CPAMD8: variants seen among roughly 807,000 people sequenced by gnomAD.
The protein encoded by CPAMD8 is C3 and PZP like alpha-2-macroglobulin domain containing 8.
CPAMD8 carries 146 observed loss-of-function variants against 224.7 expected under a neutral mutation model. The ratio of observed to expected loss-of-function variants is 0.65; its 90% CI spans 0.57 to 0.75. The LOEUF (loss-of-function observed/expected upper bound fraction) is 0.75, where lower values mean the gene tolerates loss of function less well. Ranked by LOEUF, CPAMD8 falls within the 30% of genes least tolerant of loss-of-function variation. CPAMD8 has a pLI of 0.00. For synonymous variants in CPAMD8, 966 were observed against 1,044.6 expected, an observed-to-expected ratio of 0.92 and a Z score of 1.45; for missense variants, 2,301 against 2,537.5, an observed-to-expected ratio of 0.91 and a Z score of 2.00.
chr19:16,960,694 G>A (rs1199359671), intron 18 of CPAMD8, among the ~76,000 whole-genome samples: 1 of 151,906 alleles, frequency 6.6e-6, no homozygotes, highest in Non-Finnish European at 1.5e-5. Flanking sequence ...TGGAGGTCAG[G>A]AGTTCAAGAC....
chr19:16,953,325 A>G (rs1004130756), intron 19 of CPAMD8, among the ~76,000 whole-genome samples: 1 of 150,062 alleles, frequency 6.7e-6, no homozygotes, highest in Non-Finnish European at 1.5e-5. Context: ...TGGATATGAA[A>G]ACAAAGGTAC....
In CPAMD8 at chr19:17,026,480, A is replaced by C. The variant is rs11878608; in HGVS notation, c.92+71T>G. 0.55 allele frequency: 770,088 copies of C among 1,395,988 alleles called. 218,215 individuals carry two copies. The highest frequency in any genetic ancestry group is 0.9 in the African/African-American group (59,393 of 66,088). The allele number at this position is 1,395,988 out of a possible 1,614,324, so 86.5% of individuals were successfully genotyped here. A position where few individuals can be genotyped will look rare whatever the true frequency, so the allele number is the denominator to read the frequency against. ...GTGGCCTTGGGCAGGTCGCTGCAAC[A>C]CTCTGAGCCAGTACCCGCGACCCCC... On this transcript the variant is annotated intron_variant, in intron 1 of 41. Coordinates refer to ENST00000443236, the MANE Select transcript of CPAMD8 (RefSeq NM_015692.5).
At chr19:16,962,160 G>A (rs1299743689) in intron 18 of CPAMD8, among the ~76,000 whole-genome samples, 1 of 152,198 alleles carries the variant, frequency 6.6e-6, no homozygotes, top group East Asian at 1.9e-4. Context: ...CTCCTTGCCA[G>A]CAATGGAACA....
chr19:17,008,702 G>GA, intron 6 of CPAMD8, 143 bp from the exon 7 acceptor site: 1 of 927,150 alleles, frequency 1.1e-6, no homozygotes, highest in Non-Finnish European at 1.7e-6. Context: ...TAACCCCGGG[G>GA]CAAAAAAAAA....
intron 23 of CPAMD8, among the ~76,000 whole-genome samples, chr19:16,933,300 T>C (rs1181094834): frequency 6.6e-6 from 1 of 151,840 alleles, no homozygotes; most frequent in Non-Finnish European, 1.5e-5. Flanking sequence ...AGCAAATGCA[T>C]TAATGAATAA....
chr19:16,989,581 CT>C, intron 13 of CPAMD8, 61 bp downstream of exon 13: 2 of 1,573,970 alleles, frequency 1.3e-6, no homozygotes, highest in South Asian at 2.3e-5. Context: ...GCCACAGCAC[CT>C]GGCTCATGCT....
intron 18 of CPAMD8, among the ~76,000 whole-genome samples, chr19:16,969,218 G>C (rs776643935): frequency 6.6e-6 from 1 of 152,120 alleles, no homozygotes; most frequent in South Asian, 2.1e-4. Flanking sequence ...TGTGCACTGG[G>C]GTAGGGCTAA....
rs781398201 is a variant in CPAMD8, at chr19:16,938,419, A to G, written c.2821T>C (p.Tyr941His). 1 of 1,574,834 alleles carries G rather than the reference A, an allele frequency of 6.3e-7. No homozygotes were observed. The highest frequency in any genetic ancestry group is 2.4e-5 in the East Asian group (1 of 41,460). The change falls in exon 23 of 42, where the codon TAC becomes CAC. Residue 941 changes from tyrosine to histidine, a missense_variant. Around this residue, in one of 4 missense-constraint regions of CPAMD8, gnomAD observed 1,709 missense variants for 1,753.2 expected, o/e 0.97. Transcript: ENST00000443236. ...EAEGVPRAYTYSAFFCPSERV... is the reference protein window; with the variant it reads ...EAEGVPRAYTHSAFFCPSERV... ...CCACTGGGACAGAAGAATGCGCTGT[A>G]GGTGTACGCCCGGGGGACTCCTTCC...
At chr19:16,908,438 G>T (rs926661584) in intron 29 of CPAMD8, among the ~76,000 whole-genome samples, 1 of 151,812 alleles carries the variant, frequency 6.6e-6, no homozygotes, top group South Asian at 2.1e-4. Flanking sequence ...CAGCCTCCAG[G>T]CCTGGTCACC....
chr19:17,015,311 C>T (rs1360489352), intron 3 of CPAMD8, among the ~76,000 whole-genome samples: 2 of 152,066 alleles, frequency 1.3e-5, no homozygotes. Context: ...TTCTGAGGAC[C>T]CCTATGTCAG....
intron 13 of CPAMD8, among the ~76,000 whole-genome samples, chr19:16,981,461 T>A (rs1243773588): frequency 6.6e-6 from 1 of 152,088 alleles, no homozygotes; most frequent in African/African-American, 2.4e-5. Context: ...ATGAGTTGGG[T>A]CCTATCATAG....
chr19:16,984,868 C>CA (rs1196227146), intron 13 of CPAMD8, among the ~76,000 whole-genome samples: 1 of 152,162 alleles, frequency 6.6e-6, no homozygotes, highest in Non-Finnish European at 1.5e-5. Flanking sequence ...CATGGGTGAG[C>CA]ATGCACACAC....
intron 29 of CPAMD8, among the ~76,000 whole-genome samples, chr19:16,912,868 A>G (rs564844654): frequency 2.0e-5 from 3 of 152,286 alleles, no homozygotes; most frequent in East Asian, 3.9e-4. Context: ...AACAAACGAG[A>G]TACAAAGGAT....
At chr19:16,921,506 A>G (rs534807840) in intron 27 of CPAMD8, among the ~76,000 whole-genome samples, 2 of 152,172 alleles carry the variant, frequency 1.3e-5, no homozygotes, top group South Asian at 4.1e-4. Context: ...GCTCCTGCAC[A>G]CAGCACACCC....
At position 16,969,900 on chromosome 19, in the gene CPAMD8, G is replaced by A. The variant is rs1413687689; in HGVS notation, c.2213+991C>T. ...AAAAAAAAAAAAAAACAAAAACAAC[G>A]AAAAACTTACTAATAGCAGTTGTTA... On this transcript the variant is annotated intron_variant, in intron 18 of 41. Coordinates refer to ENST00000443236, the MANE Select transcript of CPAMD8 (RefSeq NM_015692.5). Among the ~76,000 whole-genome samples, 17 of 138,370 alleles carry A rather than the reference G, an allele frequency of 1.2e-4. No homozygotes were observed. The East Asian group carries it at 2.6e-3, about 21-fold the overall frequency. 90.8% of individuals were successfully genotyped at this position (138,370 alleles called of 152,430 possible).
At chr19:16,917,916 AATCCAC>A (rs1288872946) in intron 27 of CPAMD8, among the ~76,000 whole-genome samples, 1 of 152,196 alleles carries the variant, frequency 6.6e-6, no homozygotes. Flanking sequence ...AGGATACCGA[AATCCAC>A]TGATGCTCAA....
Position 16,904,332 on chromosome 19 carries a change from T to G in CPAMD8, c.4145A>C (p.Tyr1382Ser). 6.2e-7 allele frequency: 1 copy of G among 1,613,672 alleles called. No homozygotes were observed. Among genetic ancestry groups the G allele is most frequent in the South Asian group, 1.1e-5 (1 of 91,068 alleles). ...VVSAEVEMTA[Y>S]ALLTYTLLGD... ...CAGCAGAGTGTAGGTCAGAAGGGCGTAGGCTGTCATTTCCACCTCGGCCGA... is the reference window on the plus strand; with the variant it reads ...CAGCAGAGTGTAGGTCAGAAGGGCGGAGGCTGTCATTTCCACCTCGGCCGA... Residue 1382 changes from tyrosine (Y) to serine (S), a missense_variant, in exon 32 of 42, where the codon TAC becomes TCC. Physicochemically the swap from Tyr to Ser is moderately radical, Grantham distance 144. Around this residue, in one of 4 missense-constraint regions of CPAMD8, gnomAD observed 1,709 missense variants for 1,753.2 expected, o/e 0.97. Transcript: ENST00000443236.
intron 18 of CPAMD8, among the ~76,000 whole-genome samples, chr19:16,960,454 A>T (rs1020689136): frequency 1.0e-5 from 1 of 96,326 alleles, no homozygotes; most frequent in Non-Finnish European, 2.4e-5. Context: ...ATATATTTGT[A>T]AAAAAAAAAA....
At chr19:17,018,753 CACAA>C (rs2056877574) in intron 3 of CPAMD8, among the ~76,000 whole-genome samples, 1 of 143,272 alleles carries the variant, frequency 7.0e-6, no homozygotes, top group Non-Finnish European at 1.6e-5. Context: ...CACACACACA[CACAA>C]AATTAGCCAG....
Sources: gnomAD v4.1 joint callset for allele counts (sites outside exome capture counted in the v4.1 genomes callset) on GRCh38, gnomAD v4.1.1 for gene constraint, gnomAD v4.1.1 regional missense constraint, MANE v1.5 for transcripts, NCBI Gene and HGNC (gene_info 2026-07-23, HGNC 2026-07-21) for gene names.